Variants in COX10 observed in about 807,000 individuals in gnomAD.
COX10 encodes the protein protoheme IX farnesyltransferase, mitochondrial.
COX10 carries 27 observed loss-of-function variants against 37.3 expected under a neutral mutation model. That is an observed-to-expected ratio of 0.72 (90% CI 0.53 to 1.00). The LOEUF is 1.00. COX10 is among the 50% of genes least tolerant of loss of function. The pLI, the probability that COX10 is intolerant of heterozygous loss-of-function variation, is 0.00. For missense variants in COX10, 475 were observed against 563.2 expected (o/e 0.84, Z 1.59); for synonymous variants, 222 against 229.1 (o/e 0.97, Z 0.28).
chr17:14,149,238 A>AT (rs1904820931), intron 4 of COX10, among the ~76,000 whole-genome samples: 1 of 152,044 alleles, frequency 6.6e-6, no homozygotes, highest in Non-Finnish European at 1.5e-5. Flanking sequence ...AAAGATTAAT[A>AT]TAAATACTTA....
At chr17:14,199,768 A>G (rs1041016391) in intron 6 of COX10, among the ~76,000 whole-genome samples, 70 of 152,200 alleles carry the variant, frequency 4.6e-4, no homozygotes, top group African/African-American at 1.6e-3. Context: ...CTGCAGCACC[A>G]TAGAAGTCTA....
intron 1 of COX10, among the ~76,000 whole-genome samples, chr17:14,071,730 C>CAAAAAAAAAA (rs57780115): frequency 8.8e-6 from 1 of 113,236 alleles, no homozygotes; most frequent in African/African-American, 3.5e-5. Flanking sequence ...CTAAAAATAC[C>CAAAAAAAAAA]AAAAAAAAAA....
At chr17:14,172,370 C>G (rs1277645212) in intron 5 of COX10, among the ~76,000 whole-genome samples, 1 of 151,978 alleles carries the variant, frequency 6.6e-6, no homozygotes, top group Non-Finnish European at 1.5e-5. Context: ...AATTTACATG[C>G]CCCGTCAACA....
intron 3 of COX10, among the ~76,000 whole-genome samples, chr17:14,081,343 G>T (rs778809792): frequency 6.6e-6 from 1 of 152,180 alleles, no homozygotes; most frequent in African/African-American, 2.4e-5. Flanking sequence ...GAGAGAGAGA[G>T]AAAGAGAGAT....
intron 5 of COX10, among the ~76,000 whole-genome samples, chr17:14,166,612 CTTTTTTT>C (rs71147845): frequency 1.0e-5 from 1 of 96,532 alleles, no homozygotes; most frequent in African/African-American, 3.9e-5. Flanking sequence ...TCAATTCGAC[CTTTTTTT>C]TTTTTTTTTT....
At chr17:14,078,571 C>T (rs1203100973) in intron 3 of COX10, among the ~76,000 whole-genome samples, 2 of 152,142 alleles carry the variant, frequency 1.3e-5, no homozygotes, top group Non-Finnish European at 2.9e-5. Flanking sequence ...CATTTGCTTT[C>T]CCATCCTCAT....
rs1324503367 is a variant in COX10 at position 14,086,940 on chromosome 17, C to T, written c.499+9884C>T. 2.6e-5 allele frequency among the ~76,000 whole-genome samples: 4 copies of T among 152,264 alleles called. No homozygotes were observed. The East Asian group carries it at 5.8e-4, about 22-fold the overall frequency. On this transcript the variant is annotated intron_variant, in intron 3 of 6. Transcript: ENST00000261643. ...TGAAATGTGTTATGTAGAGTGCTGA[C>T]TTGATTTTGTTCCATCTATTTATTA... is the stretch of plus-strand genomic sequence containing the variant.
At chr17:14,079,150 A>G in intron 3 of COX10, among the ~76,000 whole-genome samples, 1 of 152,262 alleles carries the variant, frequency 6.6e-6, no homozygotes, top group Non-Finnish European at 1.5e-5. Flanking sequence ...TAAAGTAGGA[A>G]TAATAATAGA....
intron 5 of COX10, among the ~76,000 whole-genome samples, chr17:14,187,838 T>C (rs1288148102): frequency 6.6e-6 from 1 of 152,160 alleles, no homozygotes; most frequent in African/African-American, 2.4e-5. Context: ...CCTGGGTAAA[T>C]AGCTTCATTT....
chr17:14,156,534 T>C (rs1905044303), intron 4 of COX10, among the ~76,000 whole-genome samples: 1 of 152,178 alleles, frequency 6.6e-6, no homozygotes, highest in African/African-American at 2.4e-5. Context: ...GGCCTAAATC[T>C]GAAATTTAAC....
At chr17:14,089,769 T>C (rs148226252) in intron 3 of COX10, among the ~76,000 whole-genome samples, 1 of 152,286 alleles carries the variant, frequency 6.6e-6, no homozygotes, top group Non-Finnish European at 1.5e-5. Context: ...TGCAAATGTG[T>C]AGCCATCACC....
intron 4 of COX10, among the ~76,000 whole-genome samples, chr17:14,129,843 T>C (rs746850342): frequency 6.6e-6 from 1 of 152,166 alleles, no homozygotes; most frequent in African/African-American, 2.4e-5. Context: ...GGTTTTGTTT[T>C]TACCTATTGA....
intron 3 of COX10, among the ~76,000 whole-genome samples, chr17:14,099,845 C>T (rs983484883): frequency 5.3e-5 from 8 of 152,052 alleles, no homozygotes; most frequent in Middle Eastern, 3.2e-3. Context: ...GGATGTCCCA[C>T]GGTTTCTCAA....
chr17:14,180,633 T>C lies in COX10; in HGVS notation c.696-11356T>C, dbSNP rs146064917. ...TTTTTATAATCAGAAAATGCCCAGA[T>C]ATTCTAATAAATATGAATATGAAGA... On this transcript the variant is annotated intron_variant, in intron 5 of 6. Coordinates refer to ENST00000261643, the MANE Select transcript of COX10 (RefSeq NM_001303.4). Among the ~76,000 whole-genome samples the C allele has an allele frequency of 9.9e-3, 1,508 of 152,334 alleles. 18 individuals are homozygous for C. Among genetic ancestry groups the C allele is most frequent in the African/African-American group, 0.034 (1,424 of 41,570 alleles).
chr17:14,164,831 G>A (rs1408243230), intron 5 of COX10, among the ~76,000 whole-genome samples: 2 of 152,192 alleles, frequency 1.3e-5, no homozygotes, highest in Non-Finnish European at 2.9e-5. Flanking sequence ...GTCAGTGAAA[G>A]AAAGGAGAGG....
At chr17:14,140,912 G>A (rs1282912664) in intron 4 of COX10, among the ~76,000 whole-genome samples, 3 of 152,016 alleles carry the variant, frequency 2.0e-5, no homozygotes, top group Non-Finnish European at 4.4e-5. Flanking sequence ...TATGATAAAT[G>A]ATTAAGGAAA....
intron 4 of COX10, 65 bp downstream of exon 4, chr17:14,102,307 T>A (rs1597501499): frequency 1.3e-6 from 2 of 1,586,188 alleles, no homozygotes. Context: ...TGTATTGTCA[T>A]ATTTTTAAAT....
chr17:14,103,901 G>A (rs969239782), intron 4 of COX10, among the ~76,000 whole-genome samples: 1 of 152,166 alleles, frequency 6.6e-6, no homozygotes, highest in Non-Finnish European at 1.5e-5. Context: ...AAATACGGGG[G>A]AAAGCCACAG....
intron 4 of COX10, among the ~76,000 whole-genome samples, chr17:14,107,841 G>C (rs955387784): frequency 6.6e-6 from 1 of 152,104 alleles, no homozygotes; most frequent in Admixed American, 6.6e-5. Context: ...TGATTCCCAA[G>C]GCCACTGGCT....
Sources: allele counts gnomAD v4.1 joint callset (sites outside exome capture counted in the v4.1 genomes callset), GRCh38; gene constraint gnomAD v4.1.1; transcripts MANE v1.5; gene names NCBI Gene and HGNC (gene_info 2026-07-23, HGNC 2026-07-21).